The following KLHL2 variants were observed in gnomAD, a reference collection of about 807,000 sequenced individuals.
The protein encoded by KLHL2 is kelch-like protein 2.
In KLHL2, 15 loss-of-function variants were observed where a neutral mutation model predicts 75.8. That is an observed-to-expected ratio of 0.20 (90% CI 0.13 to 0.30). The LOEUF is 0.30. Ranked by LOEUF, KLHL2 falls within the 10% of genes least tolerant of loss-of-function variation. KLHL2 has a pLI of 1.00. For synonymous variants in KLHL2, 214 were observed against 251.9 expected (o/e 0.85, Z 1.42); for missense variants, 381 against 741.0 (o/e 0.51, Z 5.64).
At chr4:165,267,598 A>G (rs1443792210) in intron 5 of KLHL2, among the ~76,000 whole-genome samples, 5 of 152,094 alleles carry the variant, frequency 3.3e-5, no homozygotes, top group African/African-American at 9.7e-5. Flanking sequence ...GGTTCTGTTT[A>G]TGTGATGGAT....
At chr4:165,230,373 T>A (rs548005756) in intron 3 of KLHL2, among the ~76,000 whole-genome samples, 1 of 152,342 alleles carries the variant, frequency 6.6e-6, no homozygotes, top group South Asian at 2.1e-4. Context: ...ATGGGAATAA[T>A]AATATTACCC....
intron 1 of KLHL2, among the ~76,000 whole-genome samples, chr4:165,218,312 C>T (rs1233552089): frequency 6.6e-6 from 1 of 152,128 alleles, no homozygotes; most frequent in African/African-American, 2.4e-5. Context: ...GATCTGCACT[C>T]CCCTCTCCTG....
At position 165,207,756 on chromosome 4, in the gene KLHL2, G is replaced by C; in HGVS notation, c.-121G>C. On this transcript the variant is annotated 5_prime_UTR_variant, in exon 1 of 15. Coordinates refer to ENST00000226725, the MANE Select transcript of KLHL2 (RefSeq NM_007246.4). The surrounding 1 kb of genome is among the most constrained non-coding windows in gnomAD (Gnocchi z 4.2). ...TGGTGGCGCGCGGTGAGGAGAGCGC[G>C]GCGCCCCCTCCGGGGCGGATGGAAC... 1 of 767,062 alleles carries C rather than the reference G, an allele frequency of 1.3e-6. No individual in the cohort carries two copies. 47.5% of individuals were successfully genotyped at this position (767,062 alleles called of 1,614,324 possible).
rs548117740 is a variant in KLHL2, at chr4:165,231,455, A to G, written c.259+2542A>G. ...CAGAGTGAGAAAAAAAAAATTACCTATATTAAGTGCACAACTCACTGATTT... is the reference window on the plus strand; with the variant it reads ...CAGAGTGAGAAAAAAAAAATTACCTGTATTAAGTGCACAACTCACTGATTT... On this transcript the variant is annotated intron_variant, in intron 3 of 14. Coordinates refer to ENST00000226725, the MANE Select transcript of KLHL2 (RefSeq NM_007246.4). 2.0e-5 allele frequency among the ~76,000 whole-genome samples: 3 copies of G among 152,244 alleles called. No homozygotes were observed. In the East Asian group the frequency reaches 5.8e-4, roughly 29 times the overall value.
At chr4:165,279,614 G>A (rs746710681) in intron 5 of KLHL2, 1 of 1,611,418 alleles carries the variant, frequency 6.2e-7, no homozygotes, top group Admixed American at 1.7e-5. Flanking sequence ...CCCCACCAAT[G>A]GCCCCAAAAC....
intron 2 of KLHL2, among the ~76,000 whole-genome samples, chr4:165,227,778 G>T (rs1211007049): frequency 6.6e-6 from 1 of 152,260 alleles, no homozygotes; most frequent in South Asian, 2.1e-4. Flanking sequence ...GTATGATCTG[G>T]CACCACGCAT....
chr4:165,251,880 A>G (rs1323008733), intron 4 of KLHL2, among the ~76,000 whole-genome samples: 1 of 152,122 alleles, frequency 6.6e-6, no homozygotes, highest in Admixed American at 6.5e-5. Context: ...AAGTGCTGGG[A>G]TTACAGGCGT....
chr4:165,314,486 A>C (rs1481482611), intron 13 of KLHL2, among the ~76,000 whole-genome samples: 1 of 152,306 alleles, frequency 6.6e-6, no homozygotes, highest in African/African-American at 2.4e-5. Flanking sequence ...GAATTCATTC[A>C]TTCTTACAAC....
rs541293760 is a variant in KLHL2, at chr4:165,237,378, C to T, written c.260-1400C>T. On this transcript the variant is annotated intron_variant, in intron 3 of 14. Transcript: ENST00000226725. ...TATGTAGGTATAGGTACATCTTTCT[C>T]ATTAACTCTCCTACTTCCCTTGTCA... Among the ~76,000 whole-genome samples the T allele has an allele frequency of 9.4e-4, 140 of 149,154 alleles. 1 individual carries two copies. Among genetic ancestry groups the T allele is most frequent in the African/African-American group, 3.2e-3 (127 of 39,794 alleles).
chr4:165,208,915 C>T (rs1296107841), intron 1 of KLHL2, among the ~76,000 whole-genome samples: 2 of 152,158 alleles, frequency 1.3e-5, no homozygotes, highest in African/African-American at 2.4e-5. Flanking sequence ...GCACCAGTCT[C>T]TTGTGGTTAT....
chr4:165,218,119 T>C (rs949687567), intron 1 of KLHL2, among the ~76,000 whole-genome samples: 23 of 152,210 alleles, frequency 1.5e-4, no homozygotes, highest in African/African-American at 5.1e-4. Context: ...CATTTTTTAG[T>C]GAATTATTGT....
chr4:165,273,756 G>T (rs1363887898), intron 5 of KLHL2, among the ~76,000 whole-genome samples: 1 of 152,196 alleles, frequency 6.6e-6, no homozygotes, highest in Non-Finnish European at 1.5e-5. Context: ...GCCTAGTCTT[G>T]CATATGTCTT....
intron 8 of KLHL2, among the ~76,000 whole-genome samples, chr4:165,304,025 A>G (rs1251904655): frequency 2.0e-5 from 3 of 151,932 alleles, no homozygotes. Context: ...ACAGGTGTGC[A>G]CCACCATGCC....
chr4:165,223,353 G>A (rs1738162615), intron 2 of KLHL2, among the ~76,000 whole-genome samples: 1 of 152,182 alleles, frequency 6.6e-6, no homozygotes, highest in Admixed American at 6.5e-5. Context: ...TGCAAATCGT[G>A]GGTGCCCAAA....
chr4:165,279,315 C>T (rs748149235), intron 5 of KLHL2: 32 of 1,555,000 alleles, frequency 2.1e-5, no homozygotes, highest in Non-Finnish European at 5.3e-6. Context: ...CACACCACAG[C>T]ATTGTAGAGA....
rs183922559 is a variant in KLHL2 at position 165,228,943 on chromosome 4, A to T, written c.259+30A>T. The T allele has an allele frequency of 3.7e-3, 5,114 of 1,370,226 alleles. 17 individuals carry two copies. The highest frequency in any genetic ancestry group is 5.4e-3 in the Middle Eastern group (28 of 5,156). The allele number at this position is 1,370,226 out of a possible 1,614,324, so 84.9% of individuals were successfully genotyped here. On this transcript the variant is annotated intron_variant, in intron 3 of 14. Transcript: ENST00000226725. The stretch of plus-strand genomic sequence containing the variant: ...GAAATATTTTAGTTATAGGCATTTT[A>T]AAAAATGTATTCAGATCTGTGCTTT...
intron 4 of KLHL2, among the ~76,000 whole-genome samples, chr4:165,246,381 G>A (rs796689634): frequency 3.3e-5 from 5 of 152,092 alleles, no homozygotes; most frequent in African/African-American, 1.2e-4. Context: ...GTTTGGGCAG[G>A]GAATTCATGC....
chr4:165,305,969 C>T (rs561443779), intron 9 of KLHL2, among the ~76,000 whole-genome samples: 32 of 152,200 alleles, frequency 2.1e-4, no homozygotes, highest in Admixed American at 4.6e-4. Flanking sequence ...AGTAATTTGC[C>T]GGATATTTCC....
At chr4:165,221,892 T>C (rs1044876577) in intron 2 of KLHL2, among the ~76,000 whole-genome samples, 5 of 152,200 alleles carry the variant, frequency 3.3e-5, no homozygotes, top group African/African-American at 1.2e-4. Context: ...GTAAAATGCA[T>C]TGGTTACTAA....
Sources: gnomAD v4.1 joint callset for allele counts (sites outside exome capture counted in the v4.1 genomes callset) on GRCh38, gnomAD v4.1.1 for gene constraint, Gnocchi (gnomAD v3.1) non-coding constraint, MANE v1.5 for transcripts, NCBI Gene and HGNC (gene_info 2026-07-23, HGNC 2026-07-21) for gene names.